The following VPS13D variants were observed in gnomAD, a reference collection of about 807,000 sequenced individuals.
VPS13D encodes intermembrane lipid transfer protein VPS13D.
Under a neutral mutation model 461.9 loss-of-function variants are expected in VPS13D, and 187 were observed. The ratio of observed to expected loss-of-function variants is 0.40; its 90% CI spans 0.36 to 0.46. The LOEUF (loss-of-function observed/expected upper bound fraction) is 0.46, where lower values mean the gene tolerates loss of function less well. Ranked by LOEUF, VPS13D falls within the 20% of genes least tolerant of loss-of-function variation. The pLI, the probability that VPS13D is intolerant of heterozygous loss-of-function variation, is 0.60. For synonymous variants in VPS13D, 1,951 were observed against 1,986.3 expected (o/e 0.98, Z 0.47); for missense variants, 4,711 against 5,364.9 (o/e 0.88, Z 3.81).
At chr1:12,300,860 T>C (rs1345762426) in intron 25 of VPS13D, among the ~76,000 whole-genome samples, 12 of 152,198 alleles carry the variant, frequency 7.9e-5, no homozygotes, top group Admixed American at 7.9e-4. Context: ...TCATTCTTGG[T>C]GTGTGTTTTC....
At chr1:12,243,905 T>C (rs963917400) in intron 3 of VPS13D, among the ~76,000 whole-genome samples, 6 of 152,186 alleles carry the variant, frequency 3.9e-5, no homozygotes, top group Admixed American at 6.5e-5. Flanking sequence ...TTAGTGTCCA[T>C]GGGCTTGTGC....
At chr1:12,359,940 G>A (rs1172116437) in intron 50 of VPS13D, among the ~76,000 whole-genome samples, 2 of 152,192 alleles carry the variant, frequency 1.3e-5, no homozygotes. Context: ...GATGTATTTT[G>A]CAAAGCAAGC....
At chr1:12,257,813 G>A (rs1640968041) in intron 9 of VPS13D, 122 bp from the exon 10 acceptor site, 2 of 1,191,820 alleles carry the variant, frequency 1.7e-6, no homozygotes, top group Non-Finnish European at 1.2e-6. Context: ...TATATAAACT[G>A]GTGGCTGACA....
chr1:12,481,576 GAA>G (rs754405879), intron 67 of VPS13D, among the ~76,000 whole-genome samples: 63 of 152,316 alleles, frequency 4.1e-4, no homozygotes, highest in Admixed American at 1.4e-3. Context: ...TGAAGGCACA[GAA>G]ATGCACCTGA....
At chr1:12,417,532 T>C (rs988466565) in intron 65 of VPS13D, among the ~76,000 whole-genome samples, 5 of 152,204 alleles carry the variant, frequency 3.3e-5, no homozygotes, top group African/African-American at 9.6e-5. Flanking sequence ...GGCTTTTTCA[T>C]GAATGAACTC....
chr1:12,244,495 A>G lies in VPS13D; in HGVS notation c.367-42A>G, dbSNP rs933213259. The G allele has an allele frequency of 3.1e-6, 5 of 1,613,900 alleles. No homozygotes were observed. In the East Asian group the frequency reaches 6.7e-5, roughly 22 times the overall value. ...TTGTGGTGACACGTGTAAGATGAGC[A>G]AGAACACTAGATTGAGCTAATGCTG... On this transcript the variant is annotated intron_variant, in intron 4 of 69. Coordinates refer to ENST00000620676, the MANE Select transcript of VPS13D (RefSeq NM_015378.4).
intron 3 of VPS13D, among the ~76,000 whole-genome samples, chr1:12,243,503 A>G (rs1403304960): frequency 1.3e-5 from 2 of 151,564 alleles, no homozygotes; most frequent in Admixed American, 1.3e-4. Flanking sequence ...TAAAAATACC[A>G]TTGTTGGACT....
At chr1:12,499,624 T>G (rs1313997830) in intron 68 of VPS13D, 1 of 985,274 alleles carries the variant, frequency 1.0e-6, no homozygotes, top group Non-Finnish European at 1.2e-6. Flanking sequence ...TCATATGAAC[T>G]AGGAAGAGAT....
intron 3 of VPS13D, among the ~76,000 whole-genome samples, chr1:12,243,623 T>C (rs1640451401): frequency 6.6e-6 from 1 of 152,138 alleles, no homozygotes; most frequent in Non-Finnish European, 1.5e-5. Flanking sequence ...TTGACTCTTA[T>C]AAATTGAACA....
Position 12,508,902 on chromosome 1 carries a change from A to T in VPS13D, c.13045A>T (p.Lys4349Ter), listed in dbSNP as rs755099514. The T allele has an allele frequency of 1.9e-6, 3 of 1,613,946 alleles. No homozygotes were observed. In the African/African-American group the frequency reaches 4.0e-5, roughly 22 times the overall value. The change falls in exon 70 of 70, where the codon AAA becomes TAA. Residue 4349 changes from lysine (K) to a stop codon, truncating the protein, a stop_gained. Coordinates refer to ENST00000620676, the MANE Select transcript of VPS13D (RefSeq NM_015378.4). LOFTEE classifies it high-confidence loss of function. Reference sequence around the variant, plus strand: ...CTGTTCTCCTCCTTAGGTCCATGTGAAATCTGAGGTCCTTGCTGTCAAGTT... The same window carrying T: ...CTGTTCTCCTCCTTAGGTCCATGTGTAATCTGAGGTCCTTGCTGTCAAGTT... ...PSHQKPMVHVKSEVLAVKLSQ... is the reference protein window; with the variant it reads ...PSHQKPMVHV
intron 25 of VPS13D, 133 bp from the exon 26 acceptor site, chr1:12,304,373 T>A (rs2101472632): frequency 1.3e-6 from 1 of 751,340 alleles, no homozygotes; most frequent in East Asian, 2.7e-5. Context: ...CTGAGGGAAG[T>A]ATAAGTATTA....
intron 67 of VPS13D, among the ~76,000 whole-genome samples, chr1:12,493,208 G>T (rs986424917): frequency 2.0e-5 from 3 of 151,008 alleles, no homozygotes; most frequent in Non-Finnish European, 4.4e-5. Flanking sequence ...AAAAGGACTG[G>T]CCGGGTGCGG....
intron 67 of VPS13D, among the ~76,000 whole-genome samples, chr1:12,468,885 T>C (rs1368816500): frequency 6.6e-6 from 1 of 151,644 alleles, no homozygotes; most frequent in African/African-American, 2.4e-5. Flanking sequence ...TATACAAAAA[T>C]TACCCGGGTA....
rs1642832431 is a variant in VPS13D, at chr1:12,314,222, G to A, written c.7043G>A (p.Gly2348Glu). Residue 2348 changes from glycine to glutamate, a missense_variant, in exon 30 of 70, where the codon GGG (glycine) becomes GAG (glutamate). Transcript: ENST00000620676. ...ATGGCTTTTGACACCCGTTATGCTG[G>A]GCAGAAGACCAGCCCTGGCATGACG... Reference protein sequence around the residue: ...SMMAFDTRYAGQKTSPGMTNV... With the variant: ...SMMAFDTRYAEQKTSPGMTNV... 2.5e-6 allele frequency: 4 copies of A among 1,613,972 alleles called. No homozygotes were observed. In the South Asian group the frequency reaches 4.4e-5, roughly 18 times the overall value.
At chr1:12,394,535 C>T (rs1282824169) in intron 60 of VPS13D, among the ~76,000 whole-genome samples, 7 of 152,104 alleles carry the variant, frequency 4.6e-5, no homozygotes, top group Non-Finnish European at 8.8e-5. Context: ...ATTGCTGTTC[C>T]CACCGTTAGA....
chr1:12,363,262 CTAAATA>C lies in VPS13D; in HGVS notation c.10448+18_10448+23del. 6.2e-7 allele frequency: 1 copy of C among 1,612,380 alleles called. No individual in the cohort carries two copies. The highest frequency in any genetic ancestry group is 8.5e-7 in the Non-Finnish European group (1 of 1,178,982). ...ATCAACATGAGGTAAGTTTGAGACTCTAAATATAGACAAAAAGGTAGCCCCTGTTTG... is the reference window on the plus strand; with the variant it reads ...ATCAACATGAGGTAAGTTTGAGACTCTAGACAAAAAGGTAGCCCCTGTTTG... On this transcript the variant is annotated intron_variant, in intron 52 of 69. Transcript: ENST00000620676.
Position 12,257,854 on chromosome 1 carries a change from G to T in VPS13D, c.942-81G>T, listed in dbSNP as rs1640969026. On this transcript the variant is annotated intron_variant, in intron 9 of 69. Coordinates refer to ENST00000620676, the MANE Select transcript of VPS13D (RefSeq NM_015378.4). ...AAAGATGTCTCAGGAGAGGAGTGGGGTTATGTGGATTGTCCTGGATTGGTA... is the reference window on the plus strand; with the variant it reads ...AAAGATGTCTCAGGAGAGGAGTGGGTTTATGTGGATTGTCCTGGATTGGTA... 7 of 1,512,114 alleles carry T rather than the reference G, an allele frequency of 4.6e-6. No homozygotes were observed. In the South Asian group the frequency reaches 8.2e-5, roughly 18 times the overall value. 93.7% of individuals were successfully genotyped at this position (1,512,114 alleles called of 1,614,324 possible).
chr1:12,384,140 G>A (rs1257990397), intron 58 of VPS13D, among the ~76,000 whole-genome samples: 1 of 152,176 alleles, frequency 6.6e-6, no homozygotes, highest in Non-Finnish European at 1.5e-5. Context: ...GGAGGCTCTT[G>A]CACTAATGTA....
rs1226895429 is a variant in VPS13D, at chr1:12,473,043, A to G, written c.12662+12647A>G. On this transcript the variant is annotated intron_variant, in intron 67 of 69. Transcript: ENST00000620676. This position sits in a 1 kb window ranked among gnomAD's most constrained non-coding sequence, Gnocchi z 4.2. ...AAGGCTCTTGTCAGATCCCAGGAAC[A>G]TGAAAGAAATAGCACACCCTACGGT... Among the ~76,000 whole-genome samples the G allele has an allele frequency of 6.6e-6, 1 of 152,190 alleles. No homozygotes were observed.
Sources: gnomAD v4.1 joint callset for allele counts (sites outside exome capture counted in the v4.1 genomes callset) on GRCh38, gnomAD v4.1.1 for gene constraint, Gnocchi (gnomAD v3.1) non-coding constraint, MANE v1.5 for transcripts, NCBI Gene and HGNC (gene_info 2026-07-23, HGNC 2026-07-21) for gene names.